Variants in DPP8 observed in about 807,000 individuals in gnomAD.
The protein encoded by DPP8 is DPP VIII.
In DPP8, 31 loss-of-function variants were observed where a neutral mutation model predicts 107.5. That is an observed-to-expected ratio of 0.29 (90% CI 0.22 to 0.39). The LOEUF (loss-of-function observed/expected upper bound fraction) is 0.39. DPP8 is among the 10% of genes least tolerant of loss of function. The pLI is 1.00. For missense variants in DPP8, 842 were observed against 1,076.1 expected (o/e 0.78, Z 3.04); for synonymous variants, 381 against 356.6 (o/e 1.07, Z -0.77).
At position 65,512,363 on chromosome 15, in the gene DPP8, G is replaced by A. The variant is rs1045628974; in HGVS notation, c.191C>T (p.Pro64Leu). The A allele has an allele frequency of 8.1e-5, 130 of 1,613,894 alleles. No individual in the cohort carries two copies. The highest frequency in any genetic ancestry group is 1.1e-4 in the Non-Finnish European group (130 of 1,180,004). ...CCTCTTCACAAACATGAAATCATGT[G>A]GTGCCTTAGCCATCATGTAGCCATG... ...KYHGYMMAKA[P>L]HDFMFVKRND... The change falls in exon 2 of 20, where the codon CCA (proline) becomes CTA (leucine). Residue 64 changes from proline to leucine, a missense_variant. Pro to Leu is a moderately conservative substitution (Grantham distance 98). Coordinates refer to ENST00000300141, the MANE Select transcript of DPP8 (RefSeq NM_130434.5).
chr15:65,455,891 T>A (rs1200599603), intron 16 of DPP8: 14 of 1,252,038 alleles, frequency 1.1e-5, no homozygotes, highest in Non-Finnish European at 1.5e-5. Flanking sequence ...CCAGTTGGAT[T>A]CCCTCTTCAC....
rs758443157 is a variant in DPP8 at position 65,500,786 on chromosome 15, T to C, written c.373-7A>G. ...TTCCATAGTCCAGTGTTGCCTAATGTGAAAGGAAAGTCACCTATTCCAGTC... is the reference window on the plus strand; with the variant it reads ...TTCCATAGTCCAGTGTTGCCTAATGCGAAAGGAAAGTCACCTATTCCAGTC... On this transcript the variant is annotated splice_polypyrimidine_tract_variant and splice_region_variant and intron_variant, in intron 3 of 19. Coordinates refer to ENST00000300141, the MANE Select transcript of DPP8 (RefSeq NM_130434.5). The C allele has an allele frequency of 5.0e-6, 8 of 1,602,148 alleles. No homozygotes were observed. In the Admixed American group the frequency reaches 1.4e-4, roughly 27 times the overall value.
rs562298717 is a variant in DPP8, at chr15:65,497,886, C to A, written c.693G>T (p.Arg231Ser). Residue 231 changes from arginine to serine, a missense_variant, in exon 5 of 20, where the codon AGG becomes AGT. Arg to Ser is a moderately radical substitution (Grantham distance 110). Coordinates refer to ENST00000300141, the MANE Select transcript of DPP8 (RefSeq NM_130434.5). Reference protein sequence around the residue: ...WISNIVTREERRLTYVHNELA... With the variant: ...WISNIVTREESRLTYVHNELA... ...TACCATTGTGCACATAAGTGAGTCT[C>A]CTTTCTTCTCTGGTTACGATGTTAG... The A allele has an allele frequency of 1.3e-6, 2 of 1,572,140 alleles. No homozygotes were observed. The highest frequency in any genetic ancestry group is 2.4e-5 in the South Asian group (2 of 83,558).
At position 65,470,738 on chromosome 15, in the gene DPP8, G is replaced by A. The variant is rs183112727; in HGVS notation, c.1536+3471C>T. On this transcript the variant is annotated intron_variant, in intron 12 of 19. Coordinates refer to ENST00000300141, the MANE Select transcript of DPP8 (RefSeq NM_130434.5). ...GTTCAAGACCCTCCTGGCCAACATGGCAAAACCCTGTCTCTACTAAAAATA... is the reference window on the plus strand; with the variant it reads ...GTTCAAGACCCTCCTGGCCAACATGACAAAACCCTGTCTCTACTAAAAATA... Among the ~76,000 whole-genome samples, 41 of 151,948 alleles carry A rather than the reference G, an allele frequency of 2.7e-4. No homozygotes were observed. In the South Asian group the frequency reaches 5.8e-3, roughly 22 times the overall value.
At chr15:65,453,956 T>A (rs1023736472) in intron 17 of DPP8, among the ~76,000 whole-genome samples, 16 of 151,348 alleles carry the variant, frequency 1.1e-4, no homozygotes, top group Non-Finnish European at 1.9e-4. Context: ...TTAAAAAAAA[T>A]AAAAATAAAA....
At position 65,461,335 on chromosome 15, in the gene DPP8, G is replaced by T. The variant is rs560757130; in HGVS notation, c.1971+2426C>A. Among the ~76,000 whole-genome samples the T allele has an allele frequency of 2.4e-4, 36 of 152,080 alleles. No individual in the cohort carries two copies. In the East Asian group the frequency reaches 3.7e-3, roughly 16 times the overall value. On this transcript the variant is annotated intron_variant, in intron 15 of 19. Coordinates refer to ENST00000300141, the MANE Select transcript of DPP8 (RefSeq NM_130434.5). The stretch of plus-strand genomic sequence containing the variant: ...AACTTTATTTTTCTGTAGAGACGGG[G>T]TCTCACTTTGTTGCTCAGGCTTGTC...
At chr15:65,512,055 T>A in intron 2 of DPP8, 1 of 645,060 alleles carries the variant, frequency 1.6e-6, no homozygotes. Flanking sequence ...GAAGAAGCAA[T>A]TTCTGGCATC....
intron 6 of DPP8, among the ~76,000 whole-genome samples, chr15:65,489,729 ATT>A (rs1280479305): frequency 6.9e-6 from 1 of 144,190 alleles, no homozygotes; most frequent in East Asian, 2.1e-4. Flanking sequence ...TAATGTACAT[ATT>A]TTTGAGACAA....
chr15:65,507,964 G>A (rs1220898211), intron 2 of DPP8, among the ~76,000 whole-genome samples: 1 of 152,108 alleles, frequency 6.6e-6, no homozygotes, highest in African/African-American at 2.4e-5. Context: ...TAGGCTGGGC[G>A]TGGTGGCTCA....
rs1028770236 is a variant in DPP8 at position 65,445,906 on chromosome 15, C to CGTG, written c.*977_*978insCAC. ...GCTTAGTTTTTAATCAGGCCCTCAC[C>CGTG]ACCTCTTCTCTCTGTCATTCCCCAA... On this transcript the variant is annotated 3_prime_UTR_variant, in exon 20 of 20. Transcript: ENST00000300141. 2 of 151,926 alleles carry CGTG rather than the reference C, an allele frequency of 1.3e-5. No homozygotes were observed. Among genetic ancestry groups the CGTG allele is most frequent in the Admixed American group, 1.3e-4 (2 of 15,246 alleles). 9.4% of individuals were successfully genotyped at this position (151,926 alleles called of 1,614,324 possible).
chr15:65,505,345 ACT>A (rs369633990), intron 3 of DPP8, among the ~76,000 whole-genome samples: 1,133 of 69,970 alleles, frequency 0.016, 15 homozygotes, highest in African/African-American at 0.057. Flanking sequence ...ATAGAGTGAG[ACT>A]CTGTCTCAAA....
chr15:65,470,790 A>G (rs369067353), intron 12 of DPP8, among the ~76,000 whole-genome samples: 5 of 151,602 alleles, frequency 3.3e-5, no homozygotes, highest in Non-Finnish European at 7.4e-5. Flanking sequence ...ATGGTGGTGT[A>G]TGCCTGTAAT....
rs1158956474 is a variant in DPP8 at position 65,463,807 on chromosome 15, G to A, written c.1925C>T (p.Pro642Leu). The change falls in exon 15 of 20, where the codon CCT (proline) becomes CTT (leucine). Residue 642 changes from proline (P) to leucine (L), a missense_variant. Coordinates refer to ENST00000300141, the MANE Select transcript of DPP8 (RefSeq NM_130434.5). ...CAGCACAGTAGGATATTTCTTTCCA[G>A]GCTGTAGATCATGAGGCTTGTAGAG... is the stretch of plus-strand genomic sequence containing the variant. ...GMLYKPHDLQ[P>L]GKKYPTVLFI... 1 of 1,613,240 alleles carries A rather than the reference G, an allele frequency of 6.2e-7. No individual in the cohort carries two copies. The highest frequency in any genetic ancestry group is 8.5e-7 in the Non-Finnish European group (1 of 1,179,546).
intron 5 of DPP8, among the ~76,000 whole-genome samples, chr15:65,496,876 C>A (rs987335078): frequency 6.6e-6 from 1 of 151,564 alleles, no homozygotes; most frequent in East Asian, 1.9e-4. Context: ...AAGTGATCTA[C>A]CCGCCTCAGT....
chr15:65,494,646 G>GAAAAAAA (rs5813355), intron 5 of DPP8, among the ~76,000 whole-genome samples: 5 of 114,350 alleles, frequency 4.4e-5, no homozygotes, highest in Non-Finnish European at 8.4e-5. Flanking sequence ...CAAAAAAATT[G>GAAAAAAA]AAAAAAAAAA....
intron 14 of DPP8, among the ~76,000 whole-genome samples, chr15:65,466,325 G>C (rs1185122290): frequency 6.9e-6 from 1 of 144,878 alleles, no homozygotes; most frequent in Non-Finnish European, 1.5e-5. Context: ...TTTTAGTGGA[G>C]ACGGGGTTTT....
chr15:65,442,678 GAATAC>G lies in DPP8; in HGVS notation c.*4201_*4205del, dbSNP rs2063339519. The G allele has an allele frequency of 6.6e-6, 1 of 152,140 alleles. No homozygotes were observed. The highest frequency in any genetic ancestry group is 2.4e-5 in the African/African-American group (1 of 41,422). 9.4% of individuals were successfully genotyped at this position (152,140 alleles called of 1,614,324 possible). On this transcript the variant is annotated 3_prime_UTR_variant, in exon 20 of 20. Coordinates refer to ENST00000300141, the MANE Select transcript of DPP8 (RefSeq NM_130434.5). Reference sequence around the variant, plus strand: ...TAAACACCTGAATTCCAATTTTGCTGAATACAATATAAATTTGTTTTGGGGTTACT... The same window carrying G: ...TAAACACCTGAATTCCAATTTTGCTGAATATAAATTTGTTTTGGGGTTACT...
chr15:65,451,835 G>T, intron 18 of DPP8, 125 bp downstream of exon 18: 1 of 951,750 alleles, frequency 1.1e-6, no homozygotes, highest in Non-Finnish European at 1.5e-6. Flanking sequence ...TGAGGTGGGA[G>T]GATCCTCTGA....
At chr15:65,483,781 T>C (rs967149483) in intron 8 of DPP8, among the ~76,000 whole-genome samples, 1 of 152,028 alleles carries the variant, frequency 6.6e-6, no homozygotes, top group Admixed American at 6.6e-5. Flanking sequence ...TGTACACACA[T>C]ACTCATGGCA....
Sources: gnomAD v4.1 joint callset for allele counts (sites outside exome capture counted in the v4.1 genomes callset) on GRCh38, gnomAD v4.1.1 for gene constraint, MANE v1.5 for transcripts, NCBI Gene and HGNC (gene_info 2026-07-23, HGNC 2026-07-21) for gene names.